Variants in PTPRM observed in about 807,000 individuals in gnomAD.
The protein encoded by PTPRM is receptor-type tyrosine-protein phosphatase mu.
Under a neutral mutation model 186.7 loss-of-function variants are expected in PTPRM, and 47 were observed. That is an observed-to-expected ratio of 0.25 (90% confidence interval 0.20 to 0.32). The LOEUF (loss-of-function observed/expected upper bound fraction) is 0.32, where lower values mean the gene tolerates loss of function less well. Ranked by LOEUF, PTPRM falls within the 10% of genes least tolerant of loss-of-function variation. PTPRM has a pLI of 1.00. For missense variants in PTPRM, 1,494 were observed against 1,865.0 expected, an observed-to-expected ratio of 0.80 and a Z score of 3.66; for synonymous variants, 668 against 674.9, an observed-to-expected ratio of 0.99 and a Z score of 0.16.
At chr18:8,143,553 T>C (rs1390779969) in intron 13 of PTPRM, 94 bp from the exon 14 acceptor site, 5 of 1,339,782 alleles carry the variant, frequency 3.7e-6, no homozygotes, top group South Asian at 1.3e-5. Flanking sequence ...ATAAGTCTTA[T>C]TACTCTGTTA....
At chr18:7,744,983 C>T (rs1385202758) in intron 1 of PTPRM, among the ~76,000 whole-genome samples, 2 of 152,062 alleles carry the variant, frequency 1.3e-5, no homozygotes, top group Non-Finnish European at 2.9e-5. Flanking sequence ...AGGATGAAAT[C>T]AAAGGAATAA....
chr18:7,832,954 C>T (rs1420356098), intron 2 of PTPRM, among the ~76,000 whole-genome samples: 1 of 152,064 alleles, frequency 6.6e-6, no homozygotes, highest in Non-Finnish European at 1.5e-5. Flanking sequence ...TTTCTGGGTT[C>T]TCTATTCTGT....
chr18:7,875,818 A>C (rs554638836), intron 2 of PTPRM, among the ~76,000 whole-genome samples: 1 of 152,180 alleles, frequency 6.6e-6, no homozygotes, highest in Non-Finnish European at 1.5e-5. Context: ...CATTCTGAGA[A>C]ATGTATCGTC....
At chr18:8,344,446 GTGTATATATATA>G (rs1437201781) in intron 23 of PTPRM, among the ~76,000 whole-genome samples, 2 of 16,588 alleles carry the variant, frequency 1.2e-4, no homozygotes, top group African/African-American at 1.7e-4. Flanking sequence ...GTGTGTGTGT[GTGTATATATATA>G]TATATATATA....
At chr18:8,314,247 G>A (rs1167180702) in intron 20 of PTPRM, among the ~76,000 whole-genome samples, 1 of 152,080 alleles carries the variant, frequency 6.6e-6, no homozygotes, top group Non-Finnish European at 1.5e-5. Context: ...TTATTTCCTG[G>A]CCTGTGGTCA....
rs1178352393 is a variant in PTPRM, at chr18:8,126,020, TATA to T, written c.2167+11194_2167+11196del. Among the ~76,000 whole-genome samples, 308 of 41,790 alleles carry T rather than the reference TATA, an allele frequency of 7.4e-3. 21 individuals are homozygous for T. The highest frequency in any genetic ancestry group is 0.031 in the East Asian group (26 of 848). The allele number at this position is 41,790 out of a possible 152,430, so 27.4% of individuals were successfully genotyped here. On this transcript the variant is annotated intron_variant, in intron 13 of 32. Transcript: ENST00000580170. ...ATATATATATATATATATATATATA[TATA>T]TATATTTTAAATCAGTAGACCTTTC... is the stretch of plus-strand genomic sequence containing the variant.
intron 1 of PTPRM, among the ~76,000 whole-genome samples, chr18:7,644,888 C>A (rs931921652): frequency 6.6e-6 from 1 of 152,112 alleles, no homozygotes; most frequent in Non-Finnish European, 1.5e-5. Context: ...TTGCAATTTT[C>A]ATTTTGAAAC....
At chr18:8,099,039 G>A (rs1053658134) in intron 11 of PTPRM, among the ~76,000 whole-genome samples, 4 of 152,022 alleles carry the variant, frequency 2.6e-5, no homozygotes, top group Admixed American at 6.6e-5. Context: ...GCCATTTTGT[G>A]GGTTTATTTT....
At chr18:8,365,022 C>T (rs548979849) in intron 23 of PTPRM, 2 of 152,336 alleles carry the variant, frequency 1.3e-5, no homozygotes, top group South Asian at 2.1e-4. Flanking sequence ...GGTTTCAGAG[C>T]ATGCATTCTG....
intron 1 of PTPRM, among the ~76,000 whole-genome samples, chr18:7,623,283 A>G (rs972694330): frequency 6.6e-6 from 1 of 152,096 alleles, no homozygotes; most frequent in Non-Finnish European, 1.5e-5. Flanking sequence ...TTTTCTGATT[A>G]TGAGTCTAAT....
intron 20 of PTPRM, among the ~76,000 whole-genome samples, chr18:8,310,948 T>C (rs1184186024): frequency 6.6e-6 from 1 of 152,154 alleles, no homozygotes; most frequent in African/African-American, 2.4e-5. Context: ...TAGGAATGAT[T>C]AGGTAAGAGA....
intron 24 of PTPRM, among the ~76,000 whole-genome samples, chr18:8,374,576 A>G (rs1414516910): frequency 6.6e-6 from 1 of 152,184 alleles, no homozygotes; most frequent in Non-Finnish European, 1.5e-5. Context: ...CCTTGGTTTT[A>G]GGGATAAGGA....
intron 7 of PTPRM, among the ~76,000 whole-genome samples, chr18:7,955,979 T>A (rs1001683405): frequency 1.3e-5 from 2 of 152,216 alleles, no homozygotes; most frequent in Non-Finnish European, 2.9e-5. Context: ...CTAATTGTGC[T>A]AAACCCATTC....
chr18:7,950,237 T>A (rs1372868963), intron 6 of PTPRM, among the ~76,000 whole-genome samples: 4 of 152,050 alleles, frequency 2.6e-5, no homozygotes, highest in Non-Finnish European at 4.4e-5. Context: ...TCTACAAAAA[T>A]TTGTAAAAAT....
intron 7 of PTPRM, among the ~76,000 whole-genome samples, chr18:7,958,710 T>G (rs2053477175): frequency 6.6e-6 from 1 of 152,228 alleles, no homozygotes; most frequent in Non-Finnish European, 1.5e-5. Flanking sequence ...TATTTCATCC[T>G]TGTCTAAATA....
At chr18:8,367,847 AAG>A (rs1450754512) in intron 23 of PTPRM, among the ~76,000 whole-genome samples, 1 of 152,250 alleles carries the variant, frequency 6.6e-6, no homozygotes, top group Admixed American at 6.5e-5. Context: ...AAGGAGGTTA[AAG>A]AGTCTAAATG....
chr18:8,207,168 A>T (rs1013207825), intron 14 of PTPRM, among the ~76,000 whole-genome samples: 9 of 152,180 alleles, frequency 5.9e-5, no homozygotes, highest in Non-Finnish European at 1.3e-4. Context: ...GGGACAGCCG[A>T]GGTCATGGGT....
intron 1 of PTPRM, among the ~76,000 whole-genome samples, chr18:7,614,594 A>G (rs555181986): frequency 1.1e-4 from 16 of 152,192 alleles, no homozygotes; most frequent in East Asian, 1.9e-4. Flanking sequence ...TAGGCAGCCA[A>G]TCTGTTTAAT....
At chr18:8,343,952 T>C (rs182955738) in intron 23 of PTPRM, among the ~76,000 whole-genome samples, 1 of 152,312 alleles carries the variant, frequency 6.6e-6, no homozygotes, top group East Asian at 1.9e-4. Flanking sequence ...AAATTGGCCT[T>C]TCCTGTGTCT....
Sources: gnomAD v4.1 joint callset for allele counts (sites outside exome capture counted in the v4.1 genomes callset) on GRCh38, gnomAD v4.1.1 for gene constraint, MANE v1.5 for transcripts, NCBI Gene and HGNC (gene_info 2026-07-23, HGNC 2026-07-21) for gene names.